The following SLC4A8 variants were observed in gnomAD, a reference collection of about 807,000 sequenced individuals.
The protein encoded by SLC4A8 is electroneutral sodium bicarbonate exchanger 1.
In SLC4A8, 40 loss-of-function variants were observed where a neutral mutation model predicts 125.0. That is an observed-to-expected ratio of 0.32 (90% CI 0.25 to 0.42). The LOEUF (loss-of-function observed/expected upper bound fraction) is 0.42, where lower values mean the gene tolerates loss of function less well. Ranked by LOEUF, SLC4A8 falls within the 10% of genes least tolerant of loss-of-function variation. The pLI is 1.00. For synonymous variants in SLC4A8, 456 were observed against 476.0 expected, an observed-to-expected ratio of 0.96 and a Z score of 0.55; for missense variants, 863 against 1,355.1, an observed-to-expected ratio of 0.64 and a Z score of 5.70.
chr12:51,470,655 A>AAATGATGGTC, intron 13 of SLC4A8, 130 bp downstream of exon 13: 2 of 853,778 alleles, frequency 2.3e-6, no homozygotes, highest in Non-Finnish European at 3.7e-6. Flanking sequence ...AAAGGAGACC[A>AAATGATGGTC]TCATTTGGTC....
chr12:51,414,051 G>A (rs1015887272), intron 1 of SLC4A8, among the ~76,000 whole-genome samples: 3 of 152,090 alleles, frequency 2.0e-5, no homozygotes, highest in African/African-American at 7.2e-5. Context: ...TCCCATCCAT[G>A]AGCAGGAGAT....
At chr12:51,485,636 T>A (rs1951144293) in intron 16 of SLC4A8, 151 bp from the exon 17 acceptor site, 1 of 581,006 alleles carries the variant, frequency 1.7e-6, no homozygotes, top group Non-Finnish European at 3.1e-6. Context: ...GTTGGGCAAT[T>A]AACATATTCC....
At chr12:51,423,304 G>A (rs1041841225), upstream of SLC4A8, among the ~76,000 whole-genome samples, 3 of 152,150 alleles carry the variant, frequency 2.0e-5, no homozygotes, top group Non-Finnish European at 2.9e-5. Flanking sequence ...ATCTGTTAGG[G>A]GTATCAGGGA....
chr12:51,429,848 G>A (rs184720044), intron 1 of SLC4A8, among the ~76,000 whole-genome samples: 4 of 151,790 alleles, frequency 2.6e-5, no homozygotes, highest in Admixed American at 2.6e-4. Context: ...TTTCATAGGG[G>A]GTAGTAATAG....
At chr12:51,410,287 A>G (rs2137965322) in intron 1 of SLC4A8, among the ~76,000 whole-genome samples, 1 of 152,358 alleles carries the variant, frequency 6.6e-6, no homozygotes, top group Non-Finnish European at 1.5e-5. Flanking sequence ...TCGGTTACAC[A>G]TTGACCTATT....
chr12:51,457,910 C>T (rs555479030), intron 6 of SLC4A8, among the ~76,000 whole-genome samples: 37 of 152,282 alleles, frequency 2.4e-4, no homozygotes, highest in African/African-American at 8.9e-4. Context: ...GTAGAGTAGG[C>T]TCTGGAGTCA....
chr12:51,439,294 T>G (rs560444845), intron 1 of SLC4A8, among the ~76,000 whole-genome samples: 25 of 152,226 alleles, frequency 1.6e-4, no homozygotes, highest in African/African-American at 5.3e-4. Context: ...TGACCTCAGG[T>G]GATCACCTGC....
intron 1 of SLC4A8, among the ~76,000 whole-genome samples, chr12:51,407,443 T>G (rs1335563440): frequency 2.0e-5 from 3 of 151,880 alleles, no homozygotes; most frequent in African/African-American, 7.3e-5. Context: ...AATTTTTTTT[T>G]TTTTTGGTAG....
rs544717583 is a variant in SLC4A8 at position 51,430,023 on chromosome 12, G to T, written c.48+4988G>T. On this transcript the variant is annotated intron_variant, in intron 1 of 24. Coordinates refer to ENST00000453097, the MANE Select transcript of SLC4A8 (RefSeq NM_001039960.3). ...GAACTCTCAGCATTTGAGCCAAGTG[G>T]TGCTGGGGACTGAAGGAAAGTTCAG... Among the ~76,000 whole-genome samples, 71 of 152,176 alleles carry T rather than the reference G, an allele frequency of 4.7e-4. 2 individuals carry two copies. Among genetic ancestry groups the T allele is most frequent in the East Asian group, 3.9e-4 (2 of 5,168 alleles).
intron 22 of SLC4A8, among the ~76,000 whole-genome samples, chr12:51,503,568 A>G (rs368750107): frequency 1.3e-5 from 2 of 152,224 alleles, no homozygotes; most frequent in South Asian, 4.1e-4. Flanking sequence ...CTTATTGTTA[A>G]TAATTTGTTT....
chr12:51,439,724 T>A (rs769162968), intron 1 of SLC4A8, among the ~76,000 whole-genome samples: 1 of 151,912 alleles, frequency 6.6e-6, no homozygotes. Context: ...GAAGAAAGAC[T>A]TGGTAAGAAA....
At chr12:51,427,148 T>C (rs943985654) in intron 1 of SLC4A8, among the ~76,000 whole-genome samples, 5 of 151,892 alleles carry the variant, frequency 3.3e-5, no homozygotes, top group South Asian at 2.1e-4. Context: ...CCGTGTTAGC[T>C]AGGATGGTCT....
rs1938398839 is a variant in SLC4A8 at position 51,512,464 on chromosome 12, G to A, written c.*5026G>A. The stretch of plus-strand genomic sequence containing the variant: ...AGCCTCATTTCTGCTTCATCTCTGT[G>A]GTAGGAACCATTCCCTACTCTTACT... On this transcript the variant is annotated 3_prime_UTR_variant, in exon 25 of 25. Coordinates refer to ENST00000453097, the MANE Select transcript of SLC4A8 (RefSeq NM_001039960.3). 2 of 152,060 alleles carry A rather than the reference G, an allele frequency of 1.3e-5. No individual in the cohort carries two copies. The highest frequency in any genetic ancestry group is 2.9e-5 in the Non-Finnish European group (2 of 68,030). 9.4% of individuals were successfully genotyped at this position (152,060 alleles called of 1,614,324 possible).
intron 1 of SLC4A8, among the ~76,000 whole-genome samples, chr12:51,397,269 G>T (rs1297535142): frequency 6.6e-6 from 1 of 152,140 alleles, no homozygotes; most frequent in African/African-American, 2.4e-5. Flanking sequence ...TCATCACTTG[G>T]TCAAGGGAAA....
rs745859523 is a variant in SLC4A8, at chr12:51,495,132, T to C, written c.2943+14T>C. 2.5e-6 allele frequency: 4 copies of C among 1,582,680 alleles called. No homozygotes were observed. In the African/African-American group the frequency reaches 5.5e-5, roughly 22 times the overall value. On this transcript the variant is annotated intron_variant, in intron 21 of 24. Coordinates refer to ENST00000453097, the MANE Select transcript of SLC4A8 (RefSeq NM_001039960.3). The stretch of plus-strand genomic sequence containing the variant: ...TTCCCAATGATGGTGAGGTGGTTTT[T>C]AAAAAATAAATTCTTATTATCATTG...
rs981079028 is a variant in SLC4A8 at position 51,455,371 on chromosome 12, G to A, written c.574+1672G>A. Among the ~76,000 whole-genome samples the A allele has an allele frequency of 3.3e-5, 5 of 152,046 alleles. No homozygotes were observed. In the East Asian group the frequency reaches 7.7e-4, roughly 23 times the overall value. ...CATGGAAATAACAATTAAAAAAAGTGCAACGACAGAGACATGCTTGATAAT... is the reference window on the plus strand; with the variant it reads ...CATGGAAATAACAATTAAAAAAAGTACAACGACAGAGACATGCTTGATAAT... On this transcript the variant is annotated intron_variant, in intron 5 of 24. Transcript: ENST00000453097.
At chr12:51,426,086 G>A (rs986630404) in intron 1 of SLC4A8, among the ~76,000 whole-genome samples, 4 of 152,156 alleles carry the variant, frequency 2.6e-5, no homozygotes, top group Non-Finnish European at 5.9e-5. Flanking sequence ...AGGATGACAC[G>A]TCTTGGAAAC....
At chr12:51,460,380 T>C (rs919923977) in intron 8 of SLC4A8, among the ~76,000 whole-genome samples, 1 of 77,458 alleles carries the variant, frequency 1.3e-5, no homozygotes, top group African/African-American at 4.8e-5. Flanking sequence ...GGTGACAGAG[T>C]GAGACCCTGT....
intron 2 of SLC4A8, among the ~76,000 whole-genome samples, chr12:51,442,493 G>T (rs374921202): frequency 6.6e-6 from 1 of 152,288 alleles, no homozygotes; most frequent in South Asian, 2.1e-4. Context: ...TTCCATCCAC[G>T]GAGATCAGCT....
Sources: allele counts gnomAD v4.1 joint callset (sites outside exome capture counted in the v4.1 genomes callset), GRCh38; gene constraint gnomAD v4.1.1; transcripts MANE v1.5; gene names NCBI Gene and HGNC (gene_info 2026-07-23, HGNC 2026-07-21).